The following COLGALT1 variants were observed in gnomAD, a reference collection of about 807,000 sequenced individuals.
The protein encoded by COLGALT1 is procollagen galactosyltransferase 1.
Under a neutral mutation model 60.8 loss-of-function variants are expected in COLGALT1, and 43 were observed. The observed-to-expected ratio is 0.71, with a 90% CI of 0.55 to 0.91. The LOEUF is 0.91. Among genes scored for constraint, COLGALT1 ranks in the 40% least tolerant of loss-of-function variants. The pLI is 0.00. For missense variants in COLGALT1, 845 were observed against 880.0 expected (o/e 0.96, Z 0.50); for synonymous variants, 369 against 374.2 (o/e 0.99, Z 0.16).
At position 17,579,617 on chromosome 19, in the gene COLGALT1, G is replaced by A. The variant is rs374671467; in HGVS notation, c.1394+8G>A. The A allele has an allele frequency of 2.6e-4, 424 of 1,612,084 alleles. No homozygotes were observed. Among genetic ancestry groups the A allele is most frequent in the Non-Finnish European group, 3.3e-4 (389 of 1,178,992 alleles). On this transcript the variant is annotated splice_region_variant and intron_variant, in intron 10 of 11. Coordinates refer to ENST00000252599, the MANE Select transcript of COLGALT1 (RefSeq NM_024656.4). ...CCTGGACTGGGACCTCATGTGAGTG[G>A]GGGTCTGAGGATGGGGTGAAGCTGG...
At chr19:17,569,979 C>G (rs1267852770) in intron 5 of COLGALT1, among the ~76,000 whole-genome samples, 3 of 135,546 alleles carry the variant, frequency 2.2e-5, no homozygotes, top group Non-Finnish European at 4.6e-5. Flanking sequence ...ACTGTAAGCT[C>G]CGCCTCCTGG....
intron 5 of COLGALT1, among the ~76,000 whole-genome samples, chr19:17,569,891 C>CCTTTTTTTTTTTTTTTTTTTTTTTTTT (rs749016124): frequency 1.0e-5 from 1 of 98,740 alleles, no homozygotes; most frequent in Non-Finnish European, 1.9e-5. Flanking sequence ...CCACTAATTA[C>CCTTTTTTTTTTTTTTTTTTTTTTTTTT]TTTTTTTTTT....
At chr19:17,562,627 G>A (rs1198063539) in intron 3 of COLGALT1, among the ~76,000 whole-genome samples, 2 of 151,322 alleles carry the variant, frequency 1.3e-5, no homozygotes, top group African/African-American at 2.4e-5. Context: ...GCACCACTGC[G>A]CTCCAGCCTG....
chr19:17,582,427 C>A lies in COLGALT1; in HGVS notation c.*983C>A, dbSNP rs941965609. 1 of 152,170 alleles carries A rather than the reference C, an allele frequency of 6.6e-6. No individual in the cohort carries two copies. Among genetic ancestry groups the A allele is most frequent in the Non-Finnish European group, 1.5e-5 (1 of 68,054 alleles). 9.4% of individuals were successfully genotyped at this position (152,170 alleles called of 1,614,324 possible). On this transcript the variant is annotated 3_prime_UTR_variant, in exon 12 of 12. Transcript: ENST00000252599. Reference sequence around the variant, plus strand: ...TTTTCTTTTTTTCCTCACTGCTAGACGGTGTGGGAACTTCTCACTCATTGG... The same window carrying A: ...TTTTCTTTTTTTCCTCACTGCTAGAAGGTGTGGGAACTTCTCACTCATTGG...
rs1233426621 is a variant in COLGALT1 at position 17,582,735 on chromosome 19, C to G, written c.*1291C>G. The G allele has an allele frequency of 6.6e-6, 1 of 152,346 alleles. No individual in the cohort carries two copies. The highest frequency in any genetic ancestry group is 1.5e-5 in the Non-Finnish European group (1 of 68,136). The allele number at this position is 152,346 out of a possible 1,614,324, so 9.4% of individuals were successfully genotyped here. ...CTGAGCTGTGTGCAGACAACATCCC[C>G]CCACCACCCAAGAGGGAGGGTAGCT... is the stretch of plus-strand genomic sequence containing the variant. On this transcript the variant is annotated 3_prime_UTR_variant, in exon 12 of 12. Coordinates refer to ENST00000252599, the MANE Select transcript of COLGALT1 (RefSeq NM_024656.4).
At chr19:17,577,079 C>A in intron 6 of COLGALT1, 116 bp from the exon 7 acceptor site, 1 of 998,498 alleles carries the variant, frequency 1.0e-6, no homozygotes, top group Non-Finnish European at 1.5e-6. Context: ...GGAGCCAGGT[C>A]GACTTTGTGG....
chr19:17,582,030 T>A lies in COLGALT1; in HGVS notation c.*586T>A. 6.4e-6 allele frequency: 1 copy of A among 155,302 alleles called. No individual in the cohort carries two copies. The highest frequency in any genetic ancestry group is 1.4e-5 in the Non-Finnish European group (1 of 69,970). The allele number at this position is 155,302 out of a possible 1,614,324, so 9.6% of individuals were successfully genotyped here. ...GTCCAGCAATTCTTGTTTCTCGGCC[T>A]CCCAAGTAGCTGGGACTATAGGTGC... On this transcript the variant is annotated 3_prime_UTR_variant, in exon 12 of 12. Transcript: ENST00000252599.
intron 6 of COLGALT1, among the ~76,000 whole-genome samples, chr19:17,574,851 T>C (rs2076332304): frequency 6.6e-6 from 1 of 151,942 alleles, no homozygotes; most frequent in African/African-American, 2.4e-5. Context: ...TTCTCACATA[T>C]ATTTGTGTTG....
chr19:17,576,531 C>T (rs1003300083), intron 6 of COLGALT1, among the ~76,000 whole-genome samples: 3 of 136,372 alleles, frequency 2.2e-5, no homozygotes, highest in Non-Finnish European at 3.1e-5. Flanking sequence ...GGGTTGGGGG[C>T]GGAGTGAAGC....
chr19:17,581,649 C>A lies in COLGALT1; in HGVS notation c.*205C>A. On this transcript the variant is annotated 3_prime_UTR_variant, in exon 12 of 12. Transcript: ENST00000252599. Reference sequence around the variant, plus strand: ...ACTGCATGCCAGCAACAGGGCTTGGCCCTGGGGAATTGGGAGGAACCAAGC... The same window carrying A: ...ACTGCATGCCAGCAACAGGGCTTGGACCTGGGGAATTGGGAGGAACCAAGC... The A allele has an allele frequency of 1.5e-6, 1 of 684,694 alleles. No homozygotes were observed. The highest frequency in any genetic ancestry group is 2.4e-6 in the Non-Finnish European group (1 of 416,800). The allele number at this position is 684,694 out of a possible 1,614,324, so 42.4% of individuals were successfully genotyped here.
intron 3 of COLGALT1, among the ~76,000 whole-genome samples, chr19:17,561,631 C>CAAA (rs11332403): frequency 2.7e-3 from 199 of 72,608 alleles, no homozygotes; most frequent in Non-Finnish European, 3.1e-3. Context: ...GACTCTGTCT[C>CAAA]AAAAAAAAAA....
chr19:17,579,431 G>A (rs756480377), intron 9 of COLGALT1, 51 bp from the exon 10 acceptor site: 18 of 1,612,966 alleles, frequency 1.1e-5, no homozygotes, highest in Non-Finnish European at 1.5e-5. Flanking sequence ...GTGCTTTAGG[G>A]TCAGGCCTGG....
In COLGALT1 at chr19:17,579,388, C is replaced by T. The variant is rs552600556; in HGVS notation, c.1267-94C>T. On this transcript the variant is annotated intron_variant, in intron 9 of 11. Transcript: ENST00000252599. The stretch of plus-strand genomic sequence containing the variant: ...GCAGGGAGATGCACTGGCTTCTCTA[C>T]GGGTCTTTCAAACCTTCTCAAAGCA... 3.2e-5 allele frequency: 49 copies of T among 1,549,148 alleles called. No homozygotes were observed. In the East Asian group the frequency reaches 3.4e-4, roughly 11 times the overall value.
chr19:17,577,549 C>T (rs1599794321), intron 8 of COLGALT1, 82 bp downstream of exon 8: 27 of 1,247,304 alleles, frequency 2.2e-5, no homozygotes, highest in Non-Finnish European at 2.9e-5. Flanking sequence ...GCAAGTGATT[C>T]AGATGGGGGC....
intron 8 of COLGALT1, 85 bp downstream of exon 8, chr19:17,577,552 A>T (rs1568481312): frequency 8.2e-7 from 1 of 1,222,474 alleles, no homozygotes; most frequent in Admixed American, 2.9e-5. Context: ...AGTGATTCAG[A>T]TGGGGGCGGG....
chr19:17,561,631 CAAAAAA>C (rs11332403), intron 3 of COLGALT1, among the ~76,000 whole-genome samples: 7 of 72,750 alleles, frequency 9.6e-5, no homozygotes, highest in African/African-American at 3.5e-4. Context: ...GACTCTGTCT[CAAAAAA>C]AAAAAAAAAA....
At chr19:17,561,168 G>A (rs2076246940) in intron 3 of COLGALT1, among the ~76,000 whole-genome samples, 1 of 151,704 alleles carries the variant, frequency 6.6e-6, no homozygotes, top group Admixed American at 6.6e-5. Context: ...TCGTGCCACT[G>A]CACTCCAGTC....
chr19:17,565,236 A>G (rs1183087509), intron 3 of COLGALT1, among the ~76,000 whole-genome samples: 1 of 150,438 alleles, frequency 6.6e-6, no homozygotes, highest in Non-Finnish European at 1.5e-5. Flanking sequence ...GCTCACTGCA[A>G]CCTCCATCTC....
chr19:17,572,430 C>T, intron 5 of COLGALT1, 53 bp from the exon 6 acceptor site: 4 of 1,611,518 alleles, frequency 2.5e-6, no homozygotes, highest in South Asian at 1.1e-5. Flanking sequence ...AGGCATGAGC[C>T]ACTGGGCCTC....
Sources: allele counts gnomAD v4.1 joint callset (sites outside exome capture counted in the v4.1 genomes callset), GRCh38; gene constraint gnomAD v4.1.1; transcripts MANE v1.5; gene names NCBI Gene and HGNC (gene_info 2026-07-23, HGNC 2026-07-21).